The following ZNF695 variants were observed in gnomAD, a reference collection of about 807,000 sequenced individuals.
The protein encoded by ZNF695 is zinc finger protein SBZF3.
ZNF695 carries 11 observed loss-of-function variants against 11.2 expected under a neutral mutation model. The ratio of observed to expected loss-of-function variants is 0.98; its 90% CI spans 0.62 to 1.62. The LOEUF is 1.62. Ranked by LOEUF, ZNF695 falls within the 40% of genes most tolerant of loss-of-function variation. ZNF695 has a pLI of 0.00. For synonymous variants in ZNF695, 190 were observed against 201.4 expected (o/e 0.94, Z 0.48); for missense variants, 559 against 590.5 (o/e 0.95, Z 0.55).
At chr1:246,945,679 G>A in exon 6 of ZNF695, 1 of 983,256 alleles carries the variant, frequency 1.0e-6, no homozygotes, top group Non-Finnish European at 1.5e-6. Context: ...AGATTCTGTG[G>A]GAGGCATGTT....
At chr1:247,001,401 T>C (rs375271343) in intron 1 of ZNF695, among the ~76,000 whole-genome samples, 5 of 141,182 alleles carry the variant, frequency 3.5e-5, no homozygotes, top group Admixed American at 2.1e-4. Flanking sequence ...GTCTCTGTTT[T>C]AAAAAAAAAA....
chr1:247,001,955 A>C (rs1242282409), intron 1 of ZNF695, among the ~76,000 whole-genome samples: 1 of 152,116 alleles, frequency 6.6e-6, no homozygotes, highest in Non-Finnish European at 1.5e-5. Context: ...ACTAACAAAG[A>C]TAGGGACCTG....
intron 5 of ZNF695, among the ~76,000 whole-genome samples, chr1:246,958,704 G>A (rs529842971): frequency 2.0e-5 from 3 of 152,186 alleles, no homozygotes; most frequent in South Asian, 4.1e-4. Flanking sequence ...TCCATTCTAC[G>A]CCTGGTGTGA....
intron 5 of ZNF695, among the ~76,000 whole-genome samples, chr1:246,958,089 T>G (rs1199174717): frequency 2.0e-5 from 3 of 151,254 alleles, no homozygotes; most frequent in Non-Finnish European, 4.4e-5. Context: ...GACAGAGTCT[T>G]GCTCTGTCGC....
At chr1:246,971,275 T>C (rs1280215460) in intron 4 of ZNF695, among the ~76,000 whole-genome samples, 1 of 152,230 alleles carries the variant, frequency 6.6e-6, no homozygotes, top group Non-Finnish European at 1.5e-5. Context: ...TAGTCTTCAC[T>C]GATTCTGCTA....
At chr1:247,006,235 G>GAA (rs57859895) in intron 1 of ZNF695, among the ~76,000 whole-genome samples, 1 of 81,872 alleles carries the variant, frequency 1.2e-5, no homozygotes, top group Non-Finnish European at 2.7e-5. Context: ...AAAAAAAAAA[G>GAA]AAAAAAAAAA....
chr1:246,991,606 T>C (rs1309941572), intron 3 of ZNF695, among the ~76,000 whole-genome samples: 4 of 152,120 alleles, frequency 2.6e-5, no homozygotes, highest in African/African-American at 9.6e-5. Flanking sequence ...ATCACTTATA[T>C]CCAAAAGCCA....
rs34538876 is a variant in ZNF695 at position 246,985,609 on chromosome 1, A to ATTT, written c.*1357_*1358insAAA. On this transcript the variant is annotated 3_prime_UTR_variant, in exon 4 of 4. Coordinates refer to ENST00000339986, the MANE Select transcript of ZNF695 (RefSeq NM_020394.5). ...ACAACGGTCCAAAGACATTAAAACAATGTCTTATTAAAACAAATTAAGTTC... is the reference window on the plus strand; with the variant it reads ...ACAACGGTCCAAAGACATTAAAACAATTTTGTCTTATTAAAACAAATTAAGTTC... 606,807 of 984,796 alleles carry ATTT rather than the reference A, an allele frequency of 0.62. 192,267 individuals carry two copies. Among genetic ancestry groups the ATTT allele is most frequent in the East Asian group, 0.97 (8,562 of 8,782 alleles). 61.0% of individuals were successfully genotyped at this position (984,796 alleles called of 1,614,324 possible).
intron 5 of ZNF695, among the ~76,000 whole-genome samples, chr1:246,958,267 C>T (rs1018960664): frequency 6.6e-6 from 1 of 151,964 alleles, no homozygotes; most frequent in Non-Finnish European, 1.5e-5. Flanking sequence ...ACCATGTTAG[C>T]CAGGATGTTC....
intron 5 of ZNF695, among the ~76,000 whole-genome samples, chr1:246,953,968 C>T (rs961472062): frequency 2.9e-4 from 44 of 150,804 alleles, no homozygotes; most frequent in Admixed American, 7.9e-4. Flanking sequence ...AAAAGAAACC[C>T]GAAAAACAAA....
intron 5 of ZNF695, among the ~76,000 whole-genome samples, chr1:246,962,461 T>G (rs1668186125): frequency 6.6e-6 from 1 of 152,174 alleles, no homozygotes; most frequent in African/African-American, 2.4e-5. Flanking sequence ...CATAAAGATT[T>G]TACTTCTTAA....
chr1:246,985,298 C>T, downstream of ZNF695: 1 of 984,684 alleles, frequency 1.0e-6, no homozygotes, highest in Non-Finnish European at 1.2e-6. Context: ...GTGAATAGTC[C>T]TTCAAGATTC....
chr1:246,983,218 A>G (rs1353528491), downstream of ZNF695, among the ~76,000 whole-genome samples: 1 of 151,158 alleles, frequency 6.6e-6, no homozygotes, highest in African/African-American at 2.4e-5. Flanking sequence ...AAAAAAAAAA[A>G]GAATGTGTTG....
chr1:246,999,928 C>T lies in ZNF695; in HGVS notation c.150G>A (p.Met50Ile), dbSNP rs1165345949. 13 of 1,613,848 alleles carry T rather than the reference C, an allele frequency of 8.1e-6. No homozygotes were observed. Among genetic ancestry groups the T allele is most frequent in the Non-Finnish European group, 1.1e-5 (13 of 1,179,982 alleles). ...AATCCTTACTGTGAAATAGGAATTG[C>T]ATATTGAAGCTATCCTCACCAAGGG... The part of the protein sequence containing the change: ...LISLGEDSFN[M>I]QFLFHSLAMS... The change falls in exon 2 of 4, where the codon ATG becomes ATA. Residue 50 changes from methionine (M) to isoleucine (I), a missense_variant. Met to Ile is a conservative substitution (Grantham distance 10, BLOSUM62 1). Transcript: ENST00000339986.
chr1:246,991,715 T>A (rs904272141), intron 3 of ZNF695, among the ~76,000 whole-genome samples: 14 of 152,124 alleles, frequency 9.2e-5, no homozygotes, highest in African/African-American at 3.1e-4. Flanking sequence ...GTTTGGAGGT[T>A]TCTCAAAACA....
At chr1:246,975,286 T>C (rs1668528183) in intron 4 of ZNF695, among the ~76,000 whole-genome samples, 1 of 152,206 alleles carries the variant, frequency 6.6e-6, no homozygotes, top group African/African-American at 2.4e-5. Flanking sequence ...AAAATGAATA[T>C]AAGCAGAAAT....
downstream of ZNF695, among the ~76,000 whole-genome samples, chr1:246,984,152 C>A (rs1206021945): frequency 7.3e-3 from 670 of 91,546 alleles, no homozygotes; most frequent in East Asian, 0.011. Context: ...ACCATGTCTC[C>A]AAAAAAAAAA....
At chr1:246,957,390 A>C (rs1439695756) in intron 5 of ZNF695, among the ~76,000 whole-genome samples, 2 of 152,064 alleles carry the variant, frequency 1.3e-5, no homozygotes, top group East Asian at 3.9e-4. Flanking sequence ...CTAAAAAAAA[A>C]AAAAAAGAAT....
chr1:246,956,607 C>G (rs1456965147), intron 5 of ZNF695, among the ~76,000 whole-genome samples: 1 of 152,026 alleles, frequency 6.6e-6, no homozygotes, highest in Non-Finnish European at 1.5e-5. Flanking sequence ...CAGAGTGAGA[C>G]TCTGCCTCCA....
Sources: allele counts gnomAD v4.1 joint callset (sites outside exome capture counted in the v4.1 genomes callset), GRCh38; gene constraint gnomAD v4.1.1; transcripts MANE v1.5; gene names NCBI Gene and HGNC (gene_info 2026-07-23, HGNC 2026-07-21).